WDPCP: variants seen among roughly 807,000 people sequenced by gnomAD.
WDPCP encodes WD repeat-containing and planar cell polarity effector protein fritz homolog.
In WDPCP, 71 loss-of-function variants were observed where a neutral mutation model predicts 93.1. That is an observed-to-expected ratio of 0.76 (90% confidence interval 0.63 to 0.93). The LOEUF is 0.93. WDPCP is among the 40% of genes least tolerant of loss of function. WDPCP has a pLI of 0.00. For synonymous variants in WDPCP, 315 were observed against 315.0 expected, an observed-to-expected ratio of 1.00 and a Z score of 0.00; for missense variants, 844 against 887.4, an observed-to-expected ratio of 0.95 and a Z score of 0.62.
chr2:63,122,303 T>C (rs999205767), intron 17 of WDPCP, among the ~76,000 whole-genome samples: 3 of 152,178 alleles, frequency 2.0e-5, no homozygotes, highest in Admixed American at 2.0e-4. Flanking sequence ...GGACAGGATG[T>C]TAATTGAAAT....
intron 14 of WDPCP, among the ~76,000 whole-genome samples, chr2:63,195,880 T>C (rs550899743): frequency 6.6e-6 from 1 of 152,158 alleles, no homozygotes; most frequent in African/African-American, 2.4e-5. Context: ...TTAACAAATA[T>C]AAAGATTGAA....
intron 13 of WDPCP, among the ~76,000 whole-genome samples, chr2:63,295,068 A>T (rs772907130): frequency 3.7e-4 from 56 of 152,206 alleles, no homozygotes; most frequent in Non-Finnish European, 7.2e-4. Flanking sequence ...AAAATTAACC[A>T]GGTGTAAATC....
At chr2:63,152,002 A>G (rs1406149121) in intron 17 of WDPCP, among the ~76,000 whole-genome samples, 1 of 152,172 alleles carries the variant, frequency 6.6e-6, no homozygotes, top group South Asian at 2.1e-4. Flanking sequence ...GGGAATTGCT[A>G]TTTCCTCTCA....
chr2:63,655,441 T>A (rs996023821), intron 2 of WDPCP, among the ~76,000 whole-genome samples: 1 of 152,084 alleles, frequency 6.6e-6, no homozygotes, highest in African/African-American at 2.4e-5. Context: ...TATATTTAAA[T>A]AACACCTTGC....
At chr2:63,715,648 T>G (rs557062614) in intron 2 of WDPCP, among the ~76,000 whole-genome samples, 1 of 152,264 alleles carries the variant, frequency 6.6e-6, no homozygotes, top group African/African-American at 2.4e-5. Context: ...AATAGAAAAA[T>G]GGTATATTTG....
At chr2:63,253,781 G>A (rs999632874) in intron 14 of WDPCP, among the ~76,000 whole-genome samples, 2 of 152,190 alleles carry the variant, frequency 1.3e-5, no homozygotes, top group Non-Finnish European at 2.9e-5. Context: ...CTTATACACT[G>A]CTGGTGGGAA....
chr2:63,463,320 A>G (rs1699142326), intron 6 of WDPCP, among the ~76,000 whole-genome samples: 2 of 152,080 alleles, frequency 1.3e-5, no homozygotes, highest in Non-Finnish European at 2.9e-5. Flanking sequence ...AGCATGATTA[A>G]AGTTGGTGAA....
chr2:63,586,363 A>G (rs1025776029), intron 1 of WDPCP, among the ~76,000 whole-genome samples: 1 of 152,238 alleles, frequency 6.6e-6, no homozygotes, highest in African/African-American at 2.4e-5. Context: ...AACTCCAAAT[A>G]TAGCATAACA....
intron 6 of WDPCP, among the ~76,000 whole-genome samples, chr2:63,454,292 G>T (rs868384677): frequency 6.6e-6 from 1 of 151,714 alleles, no homozygotes; most frequent in South Asian, 2.1e-4. Context: ...ACTCATAAGT[G>T]GGCATTGAAC....
chr2:63,224,589 AC>A (rs1292707102), intron 14 of WDPCP, among the ~76,000 whole-genome samples: 3 of 152,122 alleles, frequency 2.0e-5, no homozygotes, highest in Non-Finnish European at 2.9e-5. Context: ...AATGAAAAAA[AC>A]ATGAAGAAAC....
intron 2 of WDPCP, among the ~76,000 whole-genome samples, chr2:63,750,751 T>C (rs1669866810): frequency 6.6e-6 from 1 of 152,182 alleles, no homozygotes; most frequent in African/African-American, 2.4e-5. Context: ...ATGTTTTTTT[T>C]CTTCATTATT....
At chr2:63,218,423 G>C (rs1421235141) in intron 14 of WDPCP, among the ~76,000 whole-genome samples, 1 of 152,158 alleles carries the variant, frequency 6.6e-6, no homozygotes, top group Non-Finnish European at 1.5e-5. Flanking sequence ...AGAAAAGTAT[G>C]ATGGGAACAT....
intron 1 of WDPCP, among the ~76,000 whole-genome samples, chr2:63,515,498 GTGT>G (rs1249157627): frequency 6.6e-6 from 1 of 152,156 alleles, no homozygotes; most frequent in Non-Finnish European, 1.5e-5. Context: ...TTTGTGTGAG[GTGT>G]TGTTAACCTC....
chr2:63,243,957 C>T (rs1680066550), intron 14 of WDPCP, among the ~76,000 whole-genome samples: 1 of 151,870 alleles, frequency 6.6e-6, no homozygotes, highest in African/African-American at 2.4e-5. Context: ...GGATTGACCA[C>T]ATAGGATTGA....
intron 1 of WDPCP, among the ~76,000 whole-genome samples, chr2:63,550,130 C>T (rs903785737): frequency 1.1e-4 from 16 of 150,866 alleles, no homozygotes; most frequent in Non-Finnish European, 1.0e-4. Flanking sequence ...TGTTCTCATG[C>T]GTAGATTCTT....
At chr2:63,836,013 C>T in the WDPCP span, among the ~76,000 whole-genome samples, 9 of 152,144 alleles carry the variant, frequency 5.9e-5, no homozygotes, top group African/African-American at 2.2e-4. Context: ...TGCCACCAAG[C>T]CCAGCTAATT....
chr2:63,486,855 T>C (rs1188722855), intron 3 of WDPCP, among the ~76,000 whole-genome samples: 5 of 151,822 alleles, frequency 3.3e-5, no homozygotes, highest in African/African-American at 7.3e-5. Flanking sequence ...TCTGATCAGA[T>C]AGGAAAGAGA....
chr2:63,660,203 C>T (rs1331134648), intron 2 of WDPCP, among the ~76,000 whole-genome samples: 5 of 151,958 alleles, frequency 3.3e-5, no homozygotes. Flanking sequence ...AATTAATTTA[C>T]CAGGACTACA....
intron 17 of WDPCP, among the ~76,000 whole-genome samples, chr2:63,143,667 G>C (rs956807549): frequency 2.6e-5 from 4 of 152,164 alleles, no homozygotes; most frequent in African/African-American, 9.7e-5. Context: ...TTGTTTGTCT[G>C]AAAACGACTA....
Sources: allele counts gnomAD v4.1 joint callset (sites outside exome capture counted in the v4.1 genomes callset), GRCh38; gene constraint gnomAD v4.1.1; transcripts MANE v1.5; gene names NCBI Gene and HGNC (gene_info 2026-07-23, HGNC 2026-07-21).